LRFN5: variants seen among roughly 807,000 people sequenced by gnomAD.
LRFN5 encodes the protein leucine-rich repeat and fibronectin type-III domain-containing protein 5.
A neutral mutation model predicts 45.6 loss-of-function variants in LRFN5; 24 were observed. The observed-to-expected ratio is 0.53, with a 90% CI of 0.38 to 0.74. The LOEUF is 0.74. Ranked by LOEUF, LRFN5 falls within the 30% of genes least tolerant of loss-of-function variation. The pLI is 0.00. For synonymous variants in LRFN5, 340 were observed against 313.8 expected, an observed-to-expected ratio of 1.08 and a Z score of -0.88; for missense variants, 776 against 861.5, an observed-to-expected ratio of 0.90 and a Z score of 1.24.
intron 2 of LRFN5, among the ~76,000 whole-genome samples, chr14:41,832,617 T>A (rs543996729): frequency 6.6e-6 from 1 of 152,278 alleles, no homozygotes; most frequent in South Asian, 2.1e-4. Context: ...ACTCCTGGAC[T>A]TAATGCTAGT....
At chr14:41,892,501 T>C (rs1890821158) in intron 4 of LRFN5, 1 of 976,802 alleles carries the variant, frequency 1.0e-6, no homozygotes, top group African/African-American at 1.7e-5. Context: ...GATATTTCTC[T>C]AATTTTACAA....
chr14:41,816,123 G>T (rs862546), intron 2 of LRFN5, among the ~76,000 whole-genome samples: 95,129 of 151,158 alleles, frequency 0.63, 30,438 homozygotes, highest in African/African-American at 0.72. Context: ...CCCTTCCTCC[G>T]TCTCCCCCAT....
At chr14:41,789,811 T>C (rs1886854333) in intron 2 of LRFN5, among the ~76,000 whole-genome samples, 1 of 152,040 alleles carries the variant, frequency 6.6e-6, no homozygotes, top group African/African-American at 2.4e-5. Context: ...TTTGCATTCC[T>C]GGGATAAATG....
Position 41,887,207 on chromosome 14 carries a change from G to A in LRFN5, c.582G>A (p.Leu194=). The A allele has an allele frequency of 6.2e-7, 1 of 1,614,082 alleles. No homozygotes were observed. The highest frequency in any genetic ancestry group is 8.5e-7 in the Non-Finnish European group (1 of 1,180,016). Residue 194 remains leucine, a synonymous_variant, in exon 3 of 6, where the codon TTG becomes TTA. Coordinates refer to ENST00000298119, the MANE Select transcript of LRFN5 (RefSeq NM_152447.5). The surrounding 1 kb of genome is among the most constrained non-coding windows in gnomAD (Gnocchi z 4.8). ...DNIPKGTFSH[L]HKMTRLDVTS... The stretch of plus-strand genomic sequence containing the variant: ...TTCCTAAGGGGACCTTCTCCCATTT[G>A]CACAAGATGACTCGGTTAGATGTGA...
intron 4 of LRFN5, 42 bp from the exon 5 acceptor site, chr14:41,898,875 A>G (rs769541226): frequency 6.4e-7 from 1 of 1,567,984 alleles, no homozygotes; most frequent in Admixed American, 1.8e-5. Flanking sequence ...TATTTCTTTT[A>G]AAAAAATGAA....
intron 1 of LRFN5, among the ~76,000 whole-genome samples, chr14:41,764,381 T>A (rs1017087668): frequency 2.6e-5 from 4 of 152,170 alleles, no homozygotes; most frequent in Non-Finnish European, 4.4e-5. Context: ...AACACATGTT[T>A]TATGGTAGCT....
At chr14:41,675,279 C>G (rs965352104) in intron 1 of LRFN5, among the ~76,000 whole-genome samples, 1 of 152,240 alleles carries the variant, frequency 6.6e-6, no homozygotes, top group East Asian at 1.9e-4. Flanking sequence ...TGTAGCCAGC[C>G]GAGATCACGC....
At chr14:41,745,028 G>A (rs949991724) in intron 1 of LRFN5, among the ~76,000 whole-genome samples, 15 of 151,724 alleles carry the variant, frequency 9.9e-5, no homozygotes, top group South Asian at 2.1e-4. Context: ...TAAGACAACC[G>A]GACCTAACAG....
At chr14:41,663,980 GA>G (rs977282372) in intron 1 of LRFN5, among the ~76,000 whole-genome samples, 22 of 151,922 alleles carry the variant, frequency 1.4e-4, no homozygotes, top group African/African-American at 5.1e-4. Context: ...TTCACAGTAT[GA>G]ATTGCAATGT....
At chr14:41,888,048 A>G (rs1890643530) in intron 3 of LRFN5, 38 bp downstream of exon 3, 1 of 1,471,278 alleles carries the variant, frequency 6.8e-7, no homozygotes, top group Non-Finnish European at 9.2e-7. Flanking sequence ...CTTACCATGC[A>G]TCTTAGTGTA....
chr14:41,655,184 C>G (rs1003504013), intron 1 of LRFN5, among the ~76,000 whole-genome samples: 2 of 151,890 alleles, frequency 1.3e-5, no homozygotes, highest in East Asian at 3.9e-4. Context: ...GATAGACTCC[C>G]CTCCTCTCCA....
intron 4 of LRFN5, chr14:41,894,033 T>C (rs1206440623): frequency 1.0e-6 from 1 of 983,938 alleles, no homozygotes; most frequent in Non-Finnish European, 1.2e-6. Flanking sequence ...GCCTAATTCC[T>C]CAATAGGTGT....
chr14:41,830,172 T>A (rs1278483815), intron 2 of LRFN5, among the ~76,000 whole-genome samples: 1 of 151,814 alleles, frequency 6.6e-6, no homozygotes, highest in African/African-American at 2.4e-5. Flanking sequence ...GTGGTTTATA[T>A]TTCTTGTGTT....
In LRFN5 at chr14:41,805,422, A is replaced by ATTTT. The variant is rs200137734; in HGVS notation, c.-21+38395_-21+38396insTTTT. Among the ~76,000 whole-genome samples the ATTTT allele has an allele frequency of 2.1e-5, 3 of 141,282 alleles. No individual in the cohort carries two copies. The Admixed American group carries it at 2.1e-4, about 10-fold the overall frequency. The allele number at this position is 141,282 out of a possible 152,430, so 92.7% of individuals were successfully genotyped here. A position where few individuals can be genotyped will look rare whatever the true frequency, so the allele number is the denominator to read the frequency against. ...TATTTATTTATTTATTTATTTATTTATTATTATTATACTTTAAGTTTTAGG... is the reference window on the plus strand; with the variant it reads ...TATTTATTTATTTATTTATTTATTTATTTTTTATTATTATACTTTAAGTTTTAGG... On this transcript the variant is annotated intron_variant, in intron 2 of 5. Transcript: ENST00000298119.
chr14:41,813,208 T>C (rs1335863481), intron 2 of LRFN5, among the ~76,000 whole-genome samples: 3 of 152,144 alleles, frequency 2.0e-5, no homozygotes, highest in Non-Finnish European at 4.4e-5. Context: ...ATTTTTCTTT[T>C]TATTACAGTT....
At chr14:41,738,979 T>C (rs946275483) in intron 1 of LRFN5, among the ~76,000 whole-genome samples, 8 of 152,164 alleles carry the variant, frequency 5.3e-5, no homozygotes, top group African/African-American at 1.9e-4. Flanking sequence ...CACGGAACAT[T>C]CTCTTCTATA....
chr14:41,612,300 A>G (rs1003771681), intron 1 of LRFN5, among the ~76,000 whole-genome samples: 9 of 152,150 alleles, frequency 5.9e-5, no homozygotes, highest in Admixed American at 5.9e-4. Flanking sequence ...GATTGCTAAT[A>G]AGTATTATTG....
intron 1 of LRFN5, among the ~76,000 whole-genome samples, chr14:41,712,031 G>A: frequency 6.6e-6 from 1 of 152,144 alleles, no homozygotes; most frequent in East Asian, 1.9e-4. Context: ...CAGCAGATTA[G>A]ACACAATAGA....
intron 2 of LRFN5, among the ~76,000 whole-genome samples, chr14:41,787,941 G>A (rs7141492): frequency 0.097 from 14,679 of 151,764 alleles, 1,270 homozygotes; most frequent in East Asian, 0.48. Flanking sequence ...CAATGGAATT[G>A]GTGCCCTATA....
Sources: gnomAD v4.1 joint callset for allele counts (sites outside exome capture counted in the v4.1 genomes callset) on GRCh38, gnomAD v4.1.1 for gene constraint, Gnocchi (gnomAD v3.1) non-coding constraint, MANE v1.5 for transcripts, NCBI Gene and HGNC (gene_info 2026-07-23, HGNC 2026-07-21) for gene names.